ASRGL1: variants seen among roughly 807,000 people sequenced by gnomAD.
The protein encoded by ASRGL1 is asparaginase and isoaspartyl peptidase 1.
A neutral mutation model predicts 22.4 loss-of-function variants in ASRGL1; 16 were observed. That is an observed-to-expected ratio of 0.71 (90% CI 0.48 to 1.08). The LOEUF (loss-of-function observed/expected upper bound fraction) is 1.08. Ranked by LOEUF, ASRGL1 falls within the 50% of genes least tolerant of loss-of-function variation. ASRGL1 has a pLI of 0.00. For missense variants in ASRGL1, 412 were observed against 410.1 expected, an observed-to-expected ratio of 1.00 and a Z score of -0.04; for synonymous variants, 165 against 159.3, an observed-to-expected ratio of 1.04 and a Z score of -0.27.
At chr11:62,360,837 G>A (rs1946416510) in intron 4 of ASRGL1, among the ~76,000 whole-genome samples, 1 of 152,106 alleles carries the variant, frequency 6.6e-6, no homozygotes, top group Non-Finnish European at 1.5e-5. Context: ...GAGGGAAAGA[G>A]GCCGAATAAA....
chr11:62,371,476 G>T (rs1358874922), intron 4 of ASRGL1: 1 of 632,148 alleles, frequency 1.6e-6, no homozygotes, highest in Non-Finnish European at 2.8e-6. Flanking sequence ...GGCTGTGCAG[G>T]CTGTGCTTTG....
intron 4 of ASRGL1, among the ~76,000 whole-genome samples, chr11:62,369,567 G>T (rs1037445736): frequency 6.6e-6 from 1 of 152,010 alleles, no homozygotes; most frequent in Admixed American, 6.6e-5. Context: ...GAACAGGCAT[G>T]CAAGGATTAA....
intron 4 of ASRGL1, among the ~76,000 whole-genome samples, chr11:62,368,038 T>G (rs1316344075): frequency 6.6e-6 from 1 of 152,178 alleles, no homozygotes; most frequent in Non-Finnish European, 1.5e-5. Flanking sequence ...GTAACCAGTT[T>G]AGGGTTACAG....
chr11:62,375,642 C>T (rs768045000), intron 4 of ASRGL1, among the ~76,000 whole-genome samples: 1 of 151,414 alleles, frequency 6.6e-6, no homozygotes, highest in Non-Finnish European at 1.5e-5. Context: ...GGCAGGGCAA[C>T]GATCATCTGT....
At chr11:62,350,817 C>T (rs1946150635) in intron 2 of ASRGL1, among the ~76,000 whole-genome samples, 1 of 151,980 alleles carries the variant, frequency 6.6e-6, no homozygotes, top group Admixed American at 6.6e-5. Context: ...ATAAAATTAT[C>T]CACTTTGCCT....
intron 4 of ASRGL1, among the ~76,000 whole-genome samples, chr11:62,373,386 A>G (rs958408059): frequency 4.0e-5 from 6 of 151,850 alleles, no homozygotes; most frequent in African/African-American, 1.5e-4. Context: ...TTTTCCTCTT[A>G]ATGTCGAATT....
intron 4 of ASRGL1, among the ~76,000 whole-genome samples, chr11:62,383,501 G>T (rs1235103046): frequency 1.3e-5 from 2 of 149,594 alleles, no homozygotes; most frequent in African/African-American, 4.9e-5. Flanking sequence ...TACTCGGGAG[G>T]CTGAGGCAGG....
chr11:62,353,810 A>G (rs1275575725), intron 2 of ASRGL1, among the ~76,000 whole-genome samples: 2 of 152,092 alleles, frequency 1.3e-5, no homozygotes, highest in East Asian at 1.9e-4. Context: ...AAGACTTTGG[A>G]TATTATTTAT....
chr11:62,394,691 C>G (rs1371270521), downstream of ASRGL1, among the ~76,000 whole-genome samples: 2 of 152,142 alleles, frequency 1.3e-5, no homozygotes, highest in African/African-American at 4.8e-5. Flanking sequence ...GAAATTTACT[C>G]TAGTTATTAA....
chr11:62,387,059 A>T (rs1180329305), intron 4 of ASRGL1, among the ~76,000 whole-genome samples: 1 of 143,652 alleles, frequency 7.0e-6, no homozygotes, highest in Non-Finnish European at 1.5e-5. Context: ...CACTTAGCTA[A>T]TTTTTTTTTT....
intron 2 of ASRGL1, among the ~76,000 whole-genome samples, chr11:62,348,805 G>A (rs1439833985): frequency 1.3e-5 from 2 of 152,112 alleles, no homozygotes; most frequent in East Asian, 1.9e-4. Context: ...GGTCCAGGTG[G>A]AGCCATGCAT....
chr11:62,373,081 G>A, intron 4 of ASRGL1: 1 of 1,460,838 alleles, frequency 6.8e-7, no homozygotes, highest in Non-Finnish European at 9.6e-7. Context: ...GTCGCCATGG[G>A]CTACTCACAC....
chr11:62,388,895 A>C (rs1445164077), intron 4 of ASRGL1, among the ~76,000 whole-genome samples: 4 of 152,118 alleles, frequency 2.6e-5, no homozygotes, highest in Admixed American at 2.6e-4. Context: ...ACAGCTAGAA[A>C]ACGGTGGTGT....
rs111659689 is a variant in ASRGL1 at position 62,387,193 on chromosome 11, G to A, written c.492-1940G>A. Among the ~76,000 whole-genome samples, 13 of 152,000 alleles carry A rather than the reference G, an allele frequency of 8.6e-5. 1 individual carries two copies. Among genetic ancestry groups the A allele is most frequent in the African/African-American group, 3.1e-4 (13 of 41,446 alleles). ...GCTGGAATTACAGGTGTGAGCCACA[G>A]CGCCTGGCCAAGAATGATTATTTTT... On this transcript the variant is annotated intron_variant, in intron 4 of 6. Coordinates refer to ENST00000415229, the MANE Select transcript of ASRGL1 (RefSeq NM_001083926.2).
At chr11:62,380,459 C>T (rs566825656) in intron 4 of ASRGL1, among the ~76,000 whole-genome samples, 3 of 152,214 alleles carry the variant, frequency 2.0e-5, no homozygotes, top group Non-Finnish European at 2.9e-5. Flanking sequence ...CTAACTTGCT[C>T]AATGGCCTCA....
chr11:62,384,640 G>T (rs1466290120), intron 4 of ASRGL1, among the ~76,000 whole-genome samples: 2 of 149,786 alleles, frequency 1.3e-5, no homozygotes, highest in East Asian at 3.9e-4. Context: ...TCATGGCTGG[G>T]TGTGGTGGCT....
chr11:62,356,906 T>C (rs758601428), intron 3 of ASRGL1, 81 bp from the exon 4 acceptor site: 15 of 1,451,534 alleles, frequency 1.0e-5, no homozygotes, highest in Non-Finnish European at 1.4e-5. Context: ...AGAGAAGTAA[T>C]TATTTCAACA....
chr11:62,389,388 G>A, intron 5 of ASRGL1, 137 bp downstream of exon 5: 1 of 876,036 alleles, frequency 1.1e-6, no homozygotes, highest in Non-Finnish European at 1.9e-6. Context: ...ATGTCTGGGA[G>A]TGACAATGGG....
At chr11:62,344,543 CTT>C (rs1354821091) in intron 2 of ASRGL1, among the ~76,000 whole-genome samples, 3 of 149,238 alleles carry the variant, frequency 2.0e-5, no homozygotes, top group African/African-American at 7.4e-5. Context: ...CTGTGATTCA[CTT>C]TGAATAAATT....
Sources: allele counts gnomAD v4.1 joint callset (sites outside exome capture counted in the v4.1 genomes callset), GRCh38; gene constraint gnomAD v4.1.1; transcripts MANE v1.5; gene names NCBI Gene and HGNC (gene_info 2026-07-23, HGNC 2026-07-21).